Variants in ADGB observed in about 807,000 individuals in gnomAD.
ADGB encodes calpain-7-like protein.
Under a neutral mutation model 210.5 loss-of-function variants are expected in ADGB, and 172 were observed. The observed-to-expected ratio is 0.82, with a 90% CI of 0.72 to 0.93. The LOEUF (loss-of-function observed/expected upper bound fraction) is 0.93. Ranked by LOEUF, ADGB falls within the 40% of genes least tolerant of loss-of-function variation. The probability of loss-of-function intolerance (pLI) is 0.00; values close to 1 mark genes in which losing one functional copy is unlikely to be tolerated. For synonymous variants in ADGB, 658 were observed against 662.7 expected (o/e 0.99, Z 0.11); for missense variants, 2,025 against 1,964.8 (o/e 1.03, Z -0.58).
chr6:146,724,111 A>T (rs1393762043), intron 17 of ADGB, 75 bp from the exon 18 acceptor site: 1 of 1,202,140 alleles, frequency 8.3e-7, no homozygotes, highest in African/African-American at 1.6e-5. Context: ...GTTACTTAAT[A>T]AAAAAAGACA....
intron 12 of ADGB, among the ~76,000 whole-genome samples, chr6:146,694,569 C>A (rs1776379308): frequency 6.6e-6 from 1 of 152,170 alleles, no homozygotes; most frequent in Non-Finnish European, 1.5e-5. Context: ...TCCCCTTCAT[C>A]TAGCAAGTAG....
At position 146,691,174 on chromosome 6, in the gene ADGB, T is replaced by A. The variant is rs1004533853; in HGVS notation, c.1370T>A (p.Val457Glu). ...YGLSHICSHP[V>E]LVTRSRSCPL... ...CTTTCCCACATCTGTAGCCATCCTG[T>A]GCTGGTGACTAGAAGTAGGTCTTGT... The change falls in exon 11 of 36, where the codon GTG (valine) becomes GAG (glutamate). Residue 457 changes from valine to glutamate, a missense_variant. Physicochemically the swap from Val to Glu is moderately radical, Grantham distance 121. Coordinates refer to ENST00000397944, the MANE Select transcript of ADGB (RefSeq NM_024694.4). 1.3e-6 allele frequency: 2 copies of A among 1,550,034 alleles called. No homozygotes were observed. The highest frequency in any genetic ancestry group is 3.9e-5 in the Admixed American group (2 of 50,748).
chr6:146,752,494 A>G, intron 26 of ADGB, 36 bp from the exon 27 acceptor site: 1 of 1,493,906 alleles, frequency 6.7e-7, no homozygotes, highest in Non-Finnish European at 9.0e-7. Context: ...AAAGACCAAC[A>G]TACTTGCTTA....
chr6:146,810,133 TA>T (rs1256268176), intron 35 of ADGB, among the ~76,000 whole-genome samples: 20 of 152,174 alleles, frequency 1.3e-4, no homozygotes, highest in Non-Finnish European at 2.6e-4. Context: ...AACCTGGTTT[TA>T]AAAATGGGCA....
chr6:146,631,297 T>C (rs1004688648), intron 1 of ADGB, among the ~76,000 whole-genome samples: 5 of 152,174 alleles, frequency 3.3e-5, no homozygotes, highest in African/African-American at 1.2e-4. Context: ...TGGCTTTGCA[T>C]GTGCTGAATA....
chr6:146,774,479 T>C (rs566867382), intron 29 of ADGB, among the ~76,000 whole-genome samples: 194 of 152,298 alleles, frequency 1.3e-3, no homozygotes, highest in African/African-American at 4.4e-3. Context: ...TTGGATTACA[T>C]AGTATGTTTG....
At chr6:146,770,912 A>T (rs1400169574) in intron 29 of ADGB, among the ~76,000 whole-genome samples, 1 of 152,160 alleles carries the variant, frequency 6.6e-6, no homozygotes, top group Non-Finnish European at 1.5e-5. Context: ...GTCATGGAAT[A>T]TGAATTTTGC....
chr6:146,788,992 AT>A (rs1777919464), intron 33 of ADGB, among the ~76,000 whole-genome samples: 1 of 152,174 alleles, frequency 6.6e-6, no homozygotes, highest in Non-Finnish European at 1.5e-5. Context: ...TTCATAGCAA[AT>A]TTTAAGAATG....
At chr6:146,617,835 G>T (rs1321712429) in intron 1 of ADGB, among the ~76,000 whole-genome samples, 1 of 151,908 alleles carries the variant, frequency 6.6e-6, no homozygotes, top group South Asian at 2.1e-4. Context: ...TGTTGAATTC[G>T]GTTTGCCAGG....
rs758242712 is a variant in ADGB, at chr6:146,653,305, G to A, written c.331-830G>A. On this transcript the variant is annotated intron_variant, in intron 3 of 35. Transcript: ENST00000397944. ...ACAATGGAATAACAGTGGAAATAAA[G>A]TGCACAATAAATGTAATGTGCTTGA... Among the ~76,000 whole-genome samples, 114 of 152,032 alleles carry A rather than the reference G, an allele frequency of 7.5e-4. 1 individual carries two copies. The highest frequency in any genetic ancestry group is 1.4e-3 in the Non-Finnish European group (94 of 68,014).
chr6:146,671,066 G>A (rs1307619875), intron 7 of ADGB, among the ~76,000 whole-genome samples: 1 of 152,130 alleles, frequency 6.6e-6, no homozygotes, highest in Non-Finnish European at 1.5e-5. Context: ...TATGTGCTAT[G>A]GAATCCTAGA....
intron 25 of ADGB, 93 bp downstream of exon 25, chr6:146,741,364 T>C: frequency 1.7e-6 from 2 of 1,162,230 alleles, no homozygotes; most frequent in Non-Finnish European, 1.2e-6. Context: ...GAGTTGTTTT[T>C]AATCTACTTA....
intron 35 of ADGB, among the ~76,000 whole-genome samples, chr6:146,808,595 G>A (rs2037625422): frequency 6.6e-6 from 1 of 152,200 alleles, no homozygotes; most frequent in African/African-American, 2.4e-5. Context: ...TCTAATTCAT[G>A]ACTATCTCAA....
intron 28 of ADGB, among the ~76,000 whole-genome samples, chr6:146,768,041 A>G (rs1043354403): frequency 6.6e-6 from 1 of 152,228 alleles, no homozygotes; most frequent in African/African-American, 2.4e-5. Flanking sequence ...AGTTTTCCAC[A>G]TAGAAAAGCT....
intron 33 of ADGB, among the ~76,000 whole-genome samples, chr6:146,794,053 C>A (rs1161132956): frequency 6.6e-6 from 1 of 152,130 alleles, no homozygotes; most frequent in South Asian, 2.1e-4. Flanking sequence ...CCATTCCTAA[C>A]CCTATATGTA....
intron 16 of ADGB, among the ~76,000 whole-genome samples, chr6:146,720,824 C>T (rs1357439919): frequency 6.6e-6 from 1 of 152,164 alleles, no homozygotes; most frequent in South Asian, 2.1e-4. Context: ...AGTCTGCTCC[C>T]GTGATTCAAT....
At chr6:146,691,432 A>ATATATATTTATATATATATT (rs1206608603) in intron 11 of ADGB, 142 bp downstream of exon 11, 1 of 34,360 alleles carries the variant, frequency 2.9e-5, no homozygotes, top group Non-Finnish European at 4.5e-5. Context: ...ATATATATAT[A>ATATATATTTATATATATATT]TATATATATA....
intron 27 of ADGB, among the ~76,000 whole-genome samples, chr6:146,753,980 A>G (rs1777363651): frequency 6.6e-6 from 1 of 151,456 alleles, no homozygotes; most frequent in African/African-American, 2.4e-5. Context: ...TCCAGGATTC[A>G]TTTCTTTTTA....
chr6:146,635,191 T>C (rs115402971), intron 1 of ADGB, among the ~76,000 whole-genome samples, 184 bp from the exon 2 acceptor site: 7 of 152,034 alleles, frequency 4.6e-5, no homozygotes, highest in African/African-American at 1.7e-4. Flanking sequence ...ATAAACTCTT[T>C]GGGGTTATTT....
Sources: gnomAD v4.1 joint callset for allele counts (sites outside exome capture counted in the v4.1 genomes callset) on GRCh38, gnomAD v4.1.1 for gene constraint, MANE v1.5 for transcripts, NCBI Gene and HGNC (gene_info 2026-07-23, HGNC 2026-07-21) for gene names.